The following SUGCT variants were observed in gnomAD, a reference collection of about 807,000 sequenced individuals.
The protein encoded by SUGCT is succinyl-CoA:glutarate CoA-transferase.
In SUGCT, 41 loss-of-function variants were observed where a neutral mutation model predicts 55.0. The ratio of observed to expected loss-of-function variants is 0.74; its 90% confidence interval spans 0.58 to 0.97. SUGCT has a LOEUF of 0.97. SUGCT is among the 50% of genes least tolerant of loss of function. SUGCT has a pLI of 0.00. For missense variants in SUGCT, 568 were observed against 547.8 expected, an observed-to-expected ratio of 1.04 and a Z score of -0.37; for synonymous variants, 187 against 200.4, an observed-to-expected ratio of 0.93 and a Z score of 0.56.
intron 6 of SUGCT, among the ~76,000 whole-genome samples, chr7:40,201,114 C>G (rs939800195): frequency 6.6e-6 from 1 of 151,412 alleles, no homozygotes; most frequent in Non-Finnish European, 1.5e-5. Context: ...ATCCATACTG[C>G]AAATTCATAG....
chr7:40,193,492 C>T (rs1203634853), intron 5 of SUGCT, among the ~76,000 whole-genome samples: 3 of 151,972 alleles, frequency 2.0e-5, no homozygotes, highest in Non-Finnish European at 2.9e-5. Context: ...GCCATATTGG[C>T]CAGGCTGGTC....
At chr7:40,843,272 G>A (rs1320007868) in intron 13 of SUGCT, among the ~76,000 whole-genome samples, 2 of 152,132 alleles carry the variant, frequency 1.3e-5, no homozygotes, top group Non-Finnish European at 2.9e-5. Context: ...AGCTCTTTGG[G>A]AGGCCGAGGC....
At chr7:40,270,008 C>T (rs540923855) in intron 7 of SUGCT, among the ~76,000 whole-genome samples, 64 of 151,760 alleles carry the variant, frequency 4.2e-4, no homozygotes, top group Non-Finnish European at 7.5e-4. Context: ...TGGTGGTGTG[C>T]GCCTGTGGTC....
the SUGCT span, among the ~76,000 whole-genome samples, chr7:40,893,311 T>C: frequency 6.6e-6 from 1 of 152,156 alleles, no homozygotes; most frequent in African/African-American, 2.4e-5. Flanking sequence ...AACAATACTG[T>C]TCAAATGTTA....
At chr7:40,567,696 T>C (rs1233935791) in intron 12 of SUGCT, among the ~76,000 whole-genome samples, 1 of 152,226 alleles carries the variant, frequency 6.6e-6, no homozygotes, top group Non-Finnish European at 1.5e-5. Flanking sequence ...TCTTCTTTGT[T>C]GGCCAACATT....
In SUGCT at chr7:40,448,918, G is replaced by A. The variant is rs376022896; in HGVS notation, c.817-369G>A. Among the ~76,000 whole-genome samples the A allele has an allele frequency of 3.7e-3, 531 of 142,722 alleles. 1 individual carries two copies. Among genetic ancestry groups the A allele is most frequent in the Non-Finnish European group, 6.2e-3 (403 of 65,068 alleles). 93.6% of individuals were successfully genotyped at this position (142,722 alleles called of 152,430 possible). On this transcript the variant is annotated intron_variant, in intron 9 of 13. Coordinates refer to ENST00000335693, the MANE Select transcript of SUGCT (RefSeq NM_001193313.2). Reference sequence around the variant, plus strand: ...CATAGACACATATGTGTGTGTGTGTGTATATATGTGTGTGTGTGTGTGTGT... The same window carrying A: ...CATAGACACATATGTGTGTGTGTGTATATATATGTGTGTGTGTGTGTGTGT...
intron 12 of SUGCT, among the ~76,000 whole-genome samples, chr7:40,733,620 A>T (rs1787009675): frequency 6.6e-6 from 1 of 152,194 alleles, no homozygotes; most frequent in Non-Finnish European, 1.5e-5. Context: ...TGGCATAATG[A>T]ATCAGGCACA....
intron 12 of SUGCT, among the ~76,000 whole-genome samples, chr7:40,590,766 A>C (rs1797670685): frequency 6.6e-6 from 1 of 152,190 alleles, no homozygotes; most frequent in South Asian, 2.1e-4. Flanking sequence ...CAATTCTGCA[A>C]ATCTTAGGGC....
At chr7:40,705,418 A>G (rs776229663) in intron 12 of SUGCT, among the ~76,000 whole-genome samples, 2 of 152,208 alleles carry the variant, frequency 1.3e-5, no homozygotes, top group Admixed American at 1.3e-4. Context: ...TTTGATTTTT[A>G]TTCACAATTT....
chr7:40,344,518 A>G lies in SUGCT; in HGVS notation c.816+27663A>G, dbSNP rs541051998. Among the ~76,000 whole-genome samples, 61 of 152,372 alleles carry G rather than the reference A, an allele frequency of 4.0e-4. No homozygotes were observed. In the South Asian group the frequency reaches 0.01, roughly 25 times the overall value. ...ACGTGAAATTCAAATTTAAAAGTCC[A>G]TAAATAAAGTTTTATTTAACCACAG... On this transcript the variant is annotated intron_variant, in intron 9 of 13. Coordinates refer to ENST00000335693, the MANE Select transcript of SUGCT (RefSeq NM_001193313.2).
chr7:40,188,492 C>T lies in SUGCT; in HGVS notation c.227-3C>T. The T allele has an allele frequency of 1.4e-6, 2 of 1,451,698 alleles. No individual in the cohort carries two copies. Among genetic ancestry groups the T allele is most frequent in the South Asian group, 1.2e-5 (1 of 82,604 alleles). The allele number at this position is 1,451,698 out of a possible 1,614,324, so 89.9% of individuals were successfully genotyped here. On this transcript the variant is annotated splice_region_variant and splice_polypyrimidine_tract_variant and intron_variant, in intron 3 of 13. Coordinates refer to ENST00000335693, the MANE Select transcript of SUGCT (RefSeq NM_001193313.2). ...GATTAATAGCTCATGTTATTATTTT[C>T]AGGAGCTGGTGATGATACACGAACT... is the stretch of plus-strand genomic sequence containing the variant.
At chr7:40,798,453 A>C (rs1240816882) in intron 13 of SUGCT, among the ~76,000 whole-genome samples, 1 of 152,228 alleles carries the variant, frequency 6.6e-6, no homozygotes, top group East Asian at 1.9e-4. Context: ...CTGAGGTAGA[A>C]CATCAATATA....
chr7:41,033,016 C>A, the SUGCT span, among the ~76,000 whole-genome samples: 8 of 152,326 alleles, frequency 5.3e-5, 1 homozygote, highest in East Asian at 1.5e-3. Flanking sequence ...CCCACCTTGG[C>A]CTTCCAAAGT....
At chr7:40,516,570 G>C (rs1362492817) in intron 12 of SUGCT, among the ~76,000 whole-genome samples, 2 of 152,050 alleles carry the variant, frequency 1.3e-5, no homozygotes, top group African/African-American at 4.8e-5. Flanking sequence ...TGAGTAACCA[G>C]TTGGCACAGC....
chr7:40,662,376 A>G (rs1039475621), intron 12 of SUGCT, among the ~76,000 whole-genome samples: 1 of 152,192 alleles, frequency 6.6e-6, no homozygotes, highest in Non-Finnish European at 1.5e-5. Context: ...TCAGACTGCT[A>G]TTTTAAAGAT....
chr7:40,642,392 T>C (rs1800309355), intron 12 of SUGCT, among the ~76,000 whole-genome samples: 1 of 152,108 alleles, frequency 6.6e-6, no homozygotes, highest in Non-Finnish European at 1.5e-5. Flanking sequence ...GAGTTGGTGG[T>C]CTCAGCAGTC....
intron 13 of SUGCT, among the ~76,000 whole-genome samples, chr7:40,854,474 T>TTCTTTCTTTCTTTCTTTCTC (rs1377565978): frequency 7.4e-6 from 1 of 135,330 alleles, no homozygotes; most frequent in Non-Finnish European, 1.6e-5. Context: ...CTTTCTTTCT[T>TTCTTTCTTTCTTTCTTTCTC]TCTCTTTCTC....
chr7:40,153,954 C>T, intron 1 of SUGCT: 1 of 334,474 alleles, frequency 3.0e-6, no homozygotes, highest in South Asian at 3.2e-5. Flanking sequence ...TCTGTGTACA[C>T]CTACAACAGG....
chr7:40,580,132 A>T (rs1377752582), intron 12 of SUGCT, among the ~76,000 whole-genome samples: 1 of 152,230 alleles, frequency 6.6e-6, no homozygotes, highest in African/African-American at 2.4e-5. Context: ...ATGCAAAATT[A>T]TAAAGAGAAA....
Sources: gnomAD v4.1 joint callset for allele counts (sites outside exome capture counted in the v4.1 genomes callset) on GRCh38, gnomAD v4.1.1 for gene constraint, MANE v1.5 for transcripts, NCBI Gene and HGNC (gene_info 2026-07-23, HGNC 2026-07-21) for gene names.